The following DLG2 variants were observed in gnomAD, a reference collection of about 807,000 sequenced individuals.
DLG2 encodes the protein disks large homolog 2.
A neutral mutation model predicts 132.5 loss-of-function variants in DLG2; 45 were observed. That is an observed-to-expected ratio of 0.34 (90% CI 0.27 to 0.44). The LOEUF (loss-of-function observed/expected upper bound fraction) is 0.44. Ranked by LOEUF, DLG2 falls within the 20% of genes least tolerant of loss-of-function variation. The pLI is 1.00. For missense variants in DLG2, 1,045 were observed against 1,196.9 expected (o/e 0.87, Z 1.87); for synonymous variants, 424 against 419.6 (o/e 1.01, Z -0.13).
At chr11:83,631,760 T>C (rs1475098454) in intron 19 of DLG2, 3 of 152,174 alleles carry the variant, frequency 2.0e-5, no homozygotes, top group South Asian at 4.1e-4. Context: ...AGCTTTATTA[T>C]ATATATAACC....
chr11:84,784,687 A>C (rs185345618), intron 6 of DLG2, among the ~76,000 whole-genome samples: 22 of 152,270 alleles, frequency 1.4e-4, no homozygotes, highest in Non-Finnish European at 7.4e-5. Flanking sequence ...AAAATCATGA[A>C]ATAGTTAATG....
chr11:83,640,737 G>A (rs4143852), intron 18 of DLG2, among the ~76,000 whole-genome samples: 41,582 of 151,984 alleles, frequency 0.27, 5,942 homozygotes, highest in Non-Finnish European at 0.31. Context: ...CTCCATTTGA[G>A]GAGTATCATG....
Position 84,877,512 on chromosome 11 carries a change from C to CTTTTT in DLG2, c.357+234144_357+234148dup, listed in dbSNP as rs60339036. 3.2e-3 allele frequency among the ~76,000 whole-genome samples: 183 copies of CTTTTT among 57,410 alleles called. 1 individual carries two copies. The highest frequency in any genetic ancestry group is 4.3e-3 in the East Asian group (7 of 1,636). 37.7% of individuals were successfully genotyped at this position (57,410 alleles called of 152,430 possible). A position where few individuals can be genotyped will look rare whatever the true frequency, so the allele number is the denominator to read the frequency against. ...TCAGAGACTAGGATTGCAACCCCTG[C>CTTTTT]TTTTTTTTTTTTTTTTTTTTTTGCT... On this transcript the variant is annotated intron_variant, in intron 6 of 27. Transcript: ENST00000376104.
chr11:83,888,439 T>G (rs11233782), intron 15 of DLG2, among the ~76,000 whole-genome samples: 26 of 151,576 alleles, frequency 1.7e-4, no homozygotes, highest in South Asian at 6.3e-4. Flanking sequence ...CACTGCTCAA[T>G]GAAATAAAAG....
chr11:85,091,155 G>A (rs1369413388), intron 6 of DLG2, among the ~76,000 whole-genome samples: 2 of 152,184 alleles, frequency 1.3e-5, no homozygotes, highest in Non-Finnish European at 1.5e-5. Context: ...ATTTCAACAT[G>A]AGGTTTGCGG....
In DLG2 at chr11:83,457,421, T is replaced by C. The variant is rs916429689; in HGVS notation, c.*2397A>G. On this transcript the variant is annotated 3_prime_UTR_variant, in exon 28 of 28. Coordinates refer to ENST00000376104, the MANE Select transcript of DLG2 (RefSeq NM_001142699.3). The stretch of plus-strand genomic sequence containing the variant: ...CTTCAAGCAAATATATATGTATCTA[T>C]ATATTTATATAAATCTACATAAAAA... 2.6e-5 allele frequency: 4 copies of C among 152,636 alleles called. No individual in the cohort carries two copies. The highest frequency in any genetic ancestry group is 2.1e-4 in the South Asian group (1 of 4,830). 9.5% of individuals were successfully genotyped at this position (152,636 alleles called of 1,614,324 possible). A position where few individuals can be genotyped will look rare whatever the true frequency, so the allele number is the denominator to read the frequency against.
At chr11:84,182,958 A>T (rs1455561332) in intron 8 of DLG2, among the ~76,000 whole-genome samples, 1 of 152,218 alleles carries the variant, frequency 6.6e-6, no homozygotes, top group African/African-American at 2.4e-5. Flanking sequence ...AATATACTGA[A>T]TAACTTTATG....
intron 17 of DLG2, among the ~76,000 whole-genome samples, chr11:83,800,666 T>TAA (rs35829222): frequency 2.6e-5 from 4 of 151,706 alleles, no homozygotes; most frequent in Non-Finnish European, 4.4e-5. Context: ...GGCTTATAGT[T>TAA]AAAAAAAATT....
chr11:85,211,481 G>C (rs2082252247), intron 4 of DLG2, among the ~76,000 whole-genome samples: 1 of 152,098 alleles, frequency 6.6e-6, no homozygotes, highest in South Asian at 2.1e-4. Flanking sequence ...TCTCAGCCAA[G>C]ACCTCCTCAG....
chr11:84,719,411 A>T (rs1054434688), intron 6 of DLG2, among the ~76,000 whole-genome samples: 3 of 152,214 alleles, frequency 2.0e-5, no homozygotes, highest in African/African-American at 7.2e-5. Flanking sequence ...TTTTATATAA[A>T]TAAGCTGGAC....
intron 3 of DLG2, among the ~76,000 whole-genome samples, chr11:85,396,663 G>T (rs1411625394): frequency 6.6e-6 from 1 of 152,096 alleles, no homozygotes; most frequent in African/African-American, 2.4e-5. Context: ...CAATCAAGTG[G>T]AAGAAAGGAT....
intron 4 of DLG2, among the ~76,000 whole-genome samples, chr11:85,198,159 C>G (rs938713195): frequency 6.6e-6 from 1 of 151,808 alleles, no homozygotes; most frequent in Non-Finnish European, 1.5e-5. Context: ...GGAAAGACTT[C>G]TGGTATAAGT....
intron 6 of DLG2, among the ~76,000 whole-genome samples, chr11:85,030,470 A>G (rs1304775977): frequency 6.6e-6 from 1 of 152,186 alleles, no homozygotes; most frequent in Non-Finnish European, 1.5e-5. Context: ...GTCTTGCATT[A>G]TTAGAATCTT....
At chr11:85,497,302 T>C (rs1368563534) in intron 3 of DLG2, among the ~76,000 whole-genome samples, 1 of 151,122 alleles carries the variant, frequency 6.6e-6, no homozygotes, top group Non-Finnish European at 1.5e-5. Flanking sequence ...CAATAGCCAA[T>C]TTGATCAAGC....
intron 9 of DLG2, among the ~76,000 whole-genome samples, chr11:84,160,532 T>C (rs947676198): frequency 7.2e-5 from 11 of 152,080 alleles, no homozygotes; most frequent in Admixed American, 5.2e-4. Context: ...CTAATGAAAA[T>C]AGACAATTTT....
At chr11:84,550,884 C>T (rs1388402954) in intron 6 of DLG2, among the ~76,000 whole-genome samples, 1 of 152,122 alleles carries the variant, frequency 6.6e-6, no homozygotes, top group East Asian at 1.9e-4. Context: ...TTAGGTAATC[C>T]AGCTCTTTGA....
chr11:84,763,780 G>T (rs1485022382), intron 6 of DLG2, among the ~76,000 whole-genome samples: 5 of 152,050 alleles, frequency 3.3e-5, no homozygotes, highest in African/African-American at 1.2e-4. Flanking sequence ...TAATTTTATA[G>T]TGGAATTCAA....
At chr11:83,960,938 G>C (rs1483135812) in intron 14 of DLG2, among the ~76,000 whole-genome samples, 1 of 151,882 alleles carries the variant, frequency 6.6e-6, no homozygotes, top group African/African-American at 2.4e-5. Context: ...TTCTGATTTT[G>C]TAGGGAAATA....
chr11:83,721,935 G>C (rs1013205254), intron 18 of DLG2, among the ~76,000 whole-genome samples: 1 of 152,138 alleles, frequency 6.6e-6, no homozygotes, highest in Non-Finnish European at 1.5e-5. Flanking sequence ...AAGGATAAAA[G>C]GTTGCCAGAT....
Sources: allele counts gnomAD v4.1 joint callset (sites outside exome capture counted in the v4.1 genomes callset), GRCh38; gene constraint gnomAD v4.1.1; transcripts MANE v1.5; gene names NCBI Gene and HGNC (gene_info 2026-07-23, HGNC 2026-07-21).